The following ETV3 variants were observed in gnomAD, a reference collection of about 807,000 sequenced individuals.
The protein encoded by ETV3 is ETS translocation variant 3.
ETV3 carries 8 observed loss-of-function variants against 33.0 expected under a neutral mutation model. That is an observed-to-expected ratio of 0.24 (90% CI 0.14 to 0.44). The LOEUF (loss-of-function observed/expected upper bound fraction) is 0.44. Ranked by LOEUF, ETV3 falls within the 20% of genes least tolerant of loss-of-function variation. The pLI is 1.00. For missense variants in ETV3, 473 were observed against 652.3 expected (o/e 0.73, Z 2.99); for synonymous variants, 222 against 238.9 (o/e 0.93, Z 0.65).
intron 2 of ETV3, 83 bp downstream of exon 2, chr1:157,136,224 T>C (rs1324950177): frequency 7.5e-7 from 1 of 1,332,780 alleles, no homozygotes; most frequent in African/African-American, 1.4e-5. Flanking sequence ...GGTCTGACAT[T>C]TGTGAACAGA....
intron 4 of ETV3, among the ~76,000 whole-genome samples, chr1:157,129,814 G>A (rs560905901): frequency 2.6e-5 from 4 of 152,212 alleles, no homozygotes; most frequent in Non-Finnish European, 5.9e-5. Context: ...TGTCTCCTAA[G>A]CAACTTAGAA....
intron 1 of ETV3, among the ~76,000 whole-genome samples, chr1:157,137,509 A>AACACAC (rs10567825): frequency 6.0e-4 from 87 of 145,088 alleles, no homozygotes; most frequent in Middle Eastern, 6.9e-3. Context: ...GACAAGGAAA[A>AACACAC]ACACACACAC....
intron 4 of ETV3, among the ~76,000 whole-genome samples, chr1:157,127,083 G>T (rs1231704170): frequency 6.6e-6 from 1 of 152,228 alleles, no homozygotes; most frequent in African/African-American, 2.4e-5. Context: ...CTCTGCTTGG[G>T]CCAAGGCCCC....
intron 4 of ETV3, among the ~76,000 whole-genome samples, chr1:157,127,127 A>C (rs1674860745): frequency 6.6e-6 from 1 of 152,276 alleles, no homozygotes; most frequent in Non-Finnish European, 1.5e-5. Context: ...GCATATAAAA[A>C]GCAAACAAAC....
At chr1:157,136,522 C>T (rs1675118018) in intron 1 of ETV3, among the ~76,000 whole-genome samples, 157 bp from the exon 2 acceptor site, 1 of 152,190 alleles carries the variant, frequency 6.6e-6, no homozygotes, top group Non-Finnish European at 1.5e-5. Context: ...AACTGCTACT[C>T]CCCAAGTTAT....
chr1:157,137,509 AACAC>A (rs10567825), intron 1 of ETV3, among the ~76,000 whole-genome samples: 24,914 of 144,900 alleles, frequency 0.17, 2,187 homozygotes, highest in South Asian at 0.23. Flanking sequence ...GACAAGGAAA[AACAC>A]ACACACACAC....
In ETV3 at chr1:157,135,519, C is replaced by T. The variant is rs762200550; in HGVS notation, c.236G>A (p.Arg79Lys). The change falls in exon 3 of 5, where the codon AGG (arginine) becomes AAG (lysine). Residue 79 changes from arginine (R) to lysine (K), a missense_variant. Arg to Lys is a conservative substitution (Grantham distance 26, BLOSUM62 2). Around this residue, in one of 3 missense-constraint regions of ETV3, gnomAD observed 30 missense variants for 94.9 expected, o/e 0.32. Transcript: ENST00000368192. ...ATAATTCATCTGTGGTTTGCATTTC[C>T]TGCGGCCCCAGAGGCGGGCCACCTC... ...PDEVARLWGR[R>K]KCKPQMNYDK... 1.9e-6 allele frequency: 3 copies of T among 1,614,028 alleles called. No homozygotes were observed. The Middle Eastern group carries it at 5.0e-4, about 266-fold the overall frequency.
rs778841429 is a variant in ETV3, at chr1:157,125,170, T to A, written c.1210A>T (p.Thr404Ser). Residue 404 changes from threonine (T) to serine (S), a missense_variant, in exon 5 of 5, where the codon ACT becomes TCT. Thr to Ser is a moderately conservative substitution (Grantham distance 58, BLOSUM62 1). Coordinates refer to ENST00000368192, the MANE Select transcript of ETV3 (RefSeq NM_001145312.3). The surrounding 1 kb of genome is among the most constrained non-coding windows in gnomAD (Gnocchi z 4.0). ...RQSAREKEEH[T>S]QEEGTVPSRT... is the part of the protein sequence containing the mutation. ...CTTGGCACAGTGCCCTCTTCTTGAGTGTGCTCCTCCTTCTCTCGTGCCGAC... is the reference window on the plus strand; with the variant it reads ...CTTGGCACAGTGCCCTCTTCTTGAGAGTGCTCCTCCTTCTCTCGTGCCGAC... The A allele has an allele frequency of 6.4e-7, 1 of 1,551,880 alleles. No individual in the cohort carries two copies. Among genetic ancestry groups the A allele is most frequent in the African/African-American group, 1.4e-5 (1 of 73,012 alleles).
chr1:157,128,154 T>C (rs2103201276), intron 4 of ETV3, among the ~76,000 whole-genome samples: 1 of 152,332 alleles, frequency 6.6e-6, no homozygotes, highest in Admixed American at 6.5e-5. Context: ...TAGCAGACTC[T>C]GGAGTCTGCT....
intron 3 of ETV3, among the ~76,000 whole-genome samples, chr1:157,134,725 A>G (rs1571702121): frequency 2.0e-5 from 3 of 152,220 alleles, no homozygotes; most frequent in Admixed American, 2.0e-4. Context: ...CCTGATCTGG[A>G]AAACAGCAGC....
chr1:157,130,559 T>C (rs957092357), intron 4 of ETV3, among the ~76,000 whole-genome samples: 16 of 152,196 alleles, frequency 1.1e-4, no homozygotes, highest in African/African-American at 3.9e-4. Context: ...ACTGGAATCT[T>C]TGACCCCCTC....
intron 1 of ETV3, 140 bp from the exon 2 acceptor site, chr1:157,136,505 A>C: frequency 1.4e-6 from 1 of 703,658 alleles, no homozygotes; most frequent in Non-Finnish European, 2.3e-6. Flanking sequence ...CAAACATGTC[A>C]CCTCCAAACT....
chr1:157,135,136 A>G lies in ETV3; in HGVS notation c.284+335T>C, dbSNP rs1315111296. The G allele has an allele frequency of 8.4e-6, 3 of 356,074 alleles. No homozygotes were observed. The East Asian group carries it at 1.5e-4, about 18-fold the overall frequency. 22.1% of individuals were successfully genotyped at this position (356,074 alleles called of 1,614,324 possible). On this transcript the variant is annotated intron_variant, in intron 3 of 4. Transcript: ENST00000368192. Reference sequence around the variant, plus strand: ...AAGAAATTCTAACAGATTCTAATAGAGAAGTCTAAACTAATCCTTTGGATT... The same window carrying G: ...AAGAAATTCTAACAGATTCTAATAGGGAAGTCTAAACTAATCCTTTGGATT...
chr1:157,125,478 T>C lies in ETV3; in HGVS notation c.902A>G (p.Tyr301Cys). The C allele has an allele frequency of 6.4e-7, 1 of 1,552,042 alleles. No individual in the cohort carries two copies. Among genetic ancestry groups the C allele is most frequent in the Non-Finnish European group, 8.7e-7 (1 of 1,147,058 alleles). Residue 301 changes from tyrosine to cysteine, a missense_variant, in exon 5 of 5, where the codon TAC becomes TGC. Around this residue, in one of 3 missense-constraint regions of ETV3, gnomAD observed 410 missense variants for 520.2 expected, o/e 0.79. Coordinates refer to ENST00000368192, the MANE Select transcript of ETV3 (RefSeq NM_001145312.3). The surrounding 1 kb of genome is among the most constrained non-coding windows in gnomAD (Gnocchi z 4.0). ...FSFNPEEMKH[Y>C]LHSQACSVFN... ...CACAGAACAAGCTTGAGAATGAAGG[T>C]AGTGTTTCATTTCCTCAGGGTTGAA...
At chr1:157,130,483 T>C (rs1284529711) in intron 4 of ETV3, among the ~76,000 whole-genome samples, 1 of 152,164 alleles carries the variant, frequency 6.6e-6, no homozygotes, top group East Asian at 1.9e-4. Flanking sequence ...AGTACTGGGG[T>C]TGAAAAAACT....
chr1:157,125,553 T>C lies in ETV3; in HGVS notation c.827A>G (p.Tyr276Cys), dbSNP rs552811475. The change falls in exon 5 of 5, where the codon TAT (tyrosine) becomes TGT (cysteine). Residue 276 changes from tyrosine (Y) to cysteine (C), a missense_variant. Tyr to Cys is a radical substitution (Grantham distance 194). Around this residue, in one of 3 missense-constraint regions of ETV3, gnomAD observed 410 missense variants for 520.2 expected, o/e 0.79. Transcript: ENST00000368192. The surrounding 1 kb of genome is among the most constrained non-coding windows in gnomAD (Gnocchi z 4.0). ...ALSLTPTIFS[Y>C]SPSPGLSPFT... ...AGGGCTCAGGCCTGGTGATGGGCTATAGGAGAAGATGGTGGGAGTCAGGGA... is the reference window on the plus strand; with the variant it reads ...AGGGCTCAGGCCTGGTGATGGGCTACAGGAGAAGATGGTGGGAGTCAGGGA... 2.9e-5 allele frequency: 45 copies of C among 1,551,920 alleles called. No individual in the cohort carries two copies. Among genetic ancestry groups the C allele is most frequent in the Non-Finnish European group, 3.6e-5 (41 of 1,147,032 alleles).
At chr1:157,137,466 G>C (rs776075355) in intron 1 of ETV3, among the ~76,000 whole-genome samples, 1 of 151,300 alleles carries the variant, frequency 6.6e-6, no homozygotes, top group Admixed American at 6.6e-5. Context: ...ACTAGCGGCC[G>C]AGGACAAGAT....
Position 157,125,966 on chromosome 1 carries a change from C to G in ETV3, c.414G>C (p.Gln138His), listed in dbSNP as rs1223278264. ...AGGCTGTTGGCACTGGTGGTGCACT[C>G]TGAGGAACCACACCTGTGATGGTGG... ...INIRSSGVVP[Q>H]SAPPVPTASS... The change falls in exon 5 of 5, where the codon CAG (glutamine) becomes CAC (histidine). Residue 138 changes from glutamine to histidine, a missense_variant. By Grantham distance (24) the Gln-to-His change is conservative. Around this residue, in one of 3 missense-constraint regions of ETV3, gnomAD observed 410 missense variants for 520.2 expected, o/e 0.79. Transcript: ENST00000368192. This position sits in a 1 kb window ranked among gnomAD's most constrained non-coding sequence, Gnocchi z 4.0. 1.9e-6 allele frequency: 3 copies of G among 1,548,316 alleles called. No homozygotes were observed. The highest frequency in any genetic ancestry group is 2.4e-5 in the South Asian group (2 of 83,674).
rs1674717472 is a variant in ETV3 at position 157,121,848 on chromosome 1, G to A, written c.*2993C>T. 1 of 152,132 alleles carries A rather than the reference G, an allele frequency of 6.6e-6. No individual in the cohort carries two copies. Among genetic ancestry groups the A allele is most frequent in the Admixed American group, 6.5e-5 (1 of 15,276 alleles). 9.4% of individuals were successfully genotyped at this position (152,132 alleles called of 1,614,324 possible). ...ATCATTCCCTGTGTTAGTGAGTTGG[G>A]TTTAATGCAGCTTCAAAATTAGGGT... On this transcript the variant is annotated 3_prime_UTR_variant, in exon 5 of 5. Transcript: ENST00000368192.
Sources: gnomAD v4.1 joint callset for allele counts (sites outside exome capture counted in the v4.1 genomes callset) on GRCh38, gnomAD v4.1.1 for gene constraint, gnomAD v4.1.1 regional missense constraint, Gnocchi (gnomAD v3.1) non-coding constraint, MANE v1.5 for transcripts, NCBI Gene and HGNC (gene_info 2026-07-23, HGNC 2026-07-21) for gene names.